The following GPHN variants were observed in gnomAD, a reference collection of about 807,000 sequenced individuals.
The protein encoded by GPHN is gephyrin.
GPHN carries 17 observed loss-of-function variants against 95.5 expected under a neutral mutation model. The observed-to-expected ratio is 0.18, with a 90% CI of 0.12 to 0.27. The LOEUF (loss-of-function observed/expected upper bound fraction) is 0.27, where lower values mean the gene tolerates loss of function less well. Among genes scored for constraint, GPHN ranks in the 10% least tolerant of loss-of-function variants. The pLI is 1.00. For missense variants in GPHN, 660 were observed against 978.1 expected, an observed-to-expected ratio of 0.67 and a Z score of 4.34; for synonymous variants, 320 against 322.5, an observed-to-expected ratio of 0.99 and a Z score of 0.08.
chr14:67,284,547 TAAAAAAAAAAAAAAAAAAAAAA>T, the GPHN span, among the ~76,000 whole-genome samples: 1,094 of 23,256 alleles, frequency 0.047, 16 homozygotes, highest in Non-Finnish European at 0.074. Context: ...GCTGCAGTGC[TAAAAAAAAAAAAAAAAAAAAAA>T]AAAAAAAAAA....
the GPHN span, among the ~76,000 whole-genome samples, chr14:67,245,946 G>T: frequency 6.6e-6 from 1 of 151,844 alleles, no homozygotes; most frequent in Admixed American, 6.6e-5. Flanking sequence ...TAAAATGAGA[G>T]AAGTACAAGT....
chr14:67,181,072 C>T lies in GPHN; in HGVS notation c.*135C>T. 1 of 760,692 alleles carries T rather than the reference C, an allele frequency of 1.3e-6. No homozygotes were observed. The highest frequency in any genetic ancestry group is 1.8e-5 in the African/African-American group (1 of 56,972). 47.1% of individuals were successfully genotyped at this position (760,692 alleles called of 1,614,324 possible). ...ATAGTCAACATCTTGAACTATATTTCAAATGAATTTAAATATCTTTTAAAG... is the reference window on the plus strand; with the variant it reads ...ATAGTCAACATCTTGAACTATATTTTAAATGAATTTAAATATCTTTTAAAG... On this transcript the variant is annotated 3_prime_UTR_variant, in exon 23 of 23. Transcript: ENST00000478722.
chr14:66,764,163 A>G lies in GPHN; in HGVS notation c.144-12301A>G, dbSNP rs950057366. ...ACAAAACCATGCCCCCAACCCCCCA[A>G]TCCTTGGAAAAATTGTCTTCCATGA... On this transcript the variant is annotated intron_variant, in intron 2 of 22. Transcript: ENST00000478722. 5.3e-5 allele frequency among the ~76,000 whole-genome samples: 8 copies of G among 152,152 alleles called. No individual in the cohort carries two copies. The South Asian group carries it at 6.2e-4, about 12-fold the overall frequency.
chr14:66,861,436 C>T (rs988369539), intron 4 of GPHN, among the ~76,000 whole-genome samples: 1 of 151,982 alleles, frequency 6.6e-6, no homozygotes, highest in Non-Finnish European at 1.5e-5. Flanking sequence ...TTAGGCAGAT[C>T]ATGCAGACAG....
At chr14:66,812,658 T>C (rs1275480092) in intron 3 of GPHN, among the ~76,000 whole-genome samples, 2 of 152,218 alleles carry the variant, frequency 1.3e-5, no homozygotes, top group Non-Finnish European at 2.9e-5. Flanking sequence ...TCAGGGTATC[T>C]TCTTTAAATT....
the GPHN span, among the ~76,000 whole-genome samples, chr14:67,398,387 C>T: frequency 6.6e-6 from 1 of 152,152 alleles, no homozygotes; most frequent in Non-Finnish European, 1.5e-5. Flanking sequence ...TCCCCATCCA[C>T]TGATTTTTCT....
At chr14:67,415,132 T>G in the GPHN span, among the ~76,000 whole-genome samples, 1 of 152,232 alleles carries the variant, frequency 6.6e-6, no homozygotes, top group South Asian at 2.1e-4. Flanking sequence ...AATACATTTG[T>G]GCATATTATA....
At chr14:67,093,102 GA>G (rs1446550710) in intron 12 of GPHN, among the ~76,000 whole-genome samples, 1 of 151,980 alleles carries the variant, frequency 6.6e-6, no homozygotes. Context: ...AACAAACCAG[GA>G]ATTATTTTCA....
At chr14:66,685,845 G>A (rs1397050320) in intron 2 of GPHN, among the ~76,000 whole-genome samples, 2 of 152,186 alleles carry the variant, frequency 1.3e-5, no homozygotes, top group Non-Finnish European at 2.9e-5. Flanking sequence ...GAATGGTATT[G>A]CCTAGGTTTT....
At chr14:66,681,942 T>TAC (rs2066960831) in intron 2 of GPHN, among the ~76,000 whole-genome samples, 1 of 152,186 alleles carries the variant, frequency 6.6e-6, no homozygotes. Context: ...ATATAATGCA[T>TAC]ACAATTAAAT....
intron 8 of GPHN, among the ~76,000 whole-genome samples, chr14:66,948,639 A>G (rs891423547): frequency 3.3e-5 from 5 of 152,226 alleles, no homozygotes; most frequent in African/African-American, 4.8e-5. Context: ...AGGCTAGGCC[A>G]TTTCACATAC....
At chr14:67,642,051 T>C in the GPHN span, 3 of 879,754 alleles carry the variant, frequency 3.4e-6, no homozygotes, top group East Asian at 2.6e-5. Context: ...CCCACAATCA[T>C]TTGACATTTT....
rs144400016 is a variant in GPHN at position 66,675,915 on chromosome 14, G to C, written c.65-5192G>C. On this transcript the variant is annotated intron_variant, in intron 1 of 22. Transcript: ENST00000478722. ...GCTTTCCTGATTTTTTTTTCAGCTAGTTGGTTATTCTATAAAAACATCACT... is the reference window on the plus strand; with the variant it reads ...GCTTTCCTGATTTTTTTTTCAGCTACTTGGTTATTCTATAAAAACATCACT... Among the ~76,000 whole-genome samples the C allele has an allele frequency of 6.9e-3, 1,041 of 151,868 alleles. 12 individuals carry two copies. The highest frequency in any genetic ancestry group is 0.03 in the Admixed American group (455 of 15,258).
the GPHN span, among the ~76,000 whole-genome samples, chr14:67,417,259 A>G: frequency 6.6e-6 from 1 of 152,202 alleles, no homozygotes; most frequent in East Asian, 1.9e-4. Context: ...ATGGGCTAAT[A>G]GCATACAAAG....
the GPHN span, chr14:67,579,117 C>CTCTT: frequency 1.5e-6 from 2 of 1,341,652 alleles, no homozygotes; most frequent in Non-Finnish European, 1.0e-6. Flanking sequence ...TAATACTCCC[C>CTCTT]TCTTCCGTCT....
At chr14:67,049,901 G>T (rs1354416121) in intron 10 of GPHN, among the ~76,000 whole-genome samples, 5 of 152,166 alleles carry the variant, frequency 3.3e-5, no homozygotes, top group Non-Finnish European at 7.3e-5. Context: ...ACATAAAAAG[G>T]TGCTTAATTG....
At chr14:66,601,684 A>G (rs1474122919) in intron 1 of GPHN, among the ~76,000 whole-genome samples, 1 of 151,960 alleles carries the variant, frequency 6.6e-6, no homozygotes, top group East Asian at 1.9e-4. Flanking sequence ...AAGAAAAACC[A>G]ATAATAGATT....
chr14:66,935,505 TTA>T (rs60032779), intron 8 of GPHN, among the ~76,000 whole-genome samples: 1 of 150,032 alleles, frequency 6.7e-6, no homozygotes, highest in Non-Finnish European at 1.5e-5. Context: ...GTGTGTGTTT[TTA>T]TATATATATA....
At chr14:67,111,366 A>T (rs1219182497) in intron 14 of GPHN, among the ~76,000 whole-genome samples, 4 of 152,224 alleles carry the variant, frequency 2.6e-5, no homozygotes, top group Non-Finnish European at 5.9e-5. Flanking sequence ...AAAATTGATT[A>T]CTGCAATTAA....
Sources: allele counts gnomAD v4.1 joint callset (sites outside exome capture counted in the v4.1 genomes callset), GRCh38; gene constraint gnomAD v4.1.1; transcripts MANE v1.5; gene names NCBI Gene and HGNC (gene_info 2026-07-23, HGNC 2026-07-21).